The following PSORS1C1 variants were observed in gnomAD, a reference collection of about 807,000 sequenced individuals.
PSORS1C1 encodes psoriasis susceptibility 1 candidate gene 1 protein.
A neutral mutation model predicts 9.4 loss-of-function variants in PSORS1C1; 7 were observed. That is an observed-to-expected ratio of 0.75 (90% confidence interval 0.42 to 1.40). The LOEUF (loss-of-function observed/expected upper bound fraction) is 1.40, where lower values mean the gene tolerates loss of function less well. Among genes scored for constraint, PSORS1C1 ranks in the 40% most tolerant of loss-of-function variants. PSORS1C1 has a pLI of 0.01. For synonymous variants in PSORS1C1, 63 were observed against 69.4 expected, an observed-to-expected ratio of 0.91 and a Z score of 0.46; for missense variants, 146 against 178.1, an observed-to-expected ratio of 0.82 and a Z score of 1.02.
In PSORS1C1 at chr6:31,115,210, A is replaced by G. The variant is rs3094220; in HGVS notation, c.-229+319A>G. 0.2 allele frequency: 56,050 copies of G among 287,252 alleles called. 6,081 individuals carry two copies. Among genetic ancestry groups the G allele is most frequent in the African/African-American group, 0.21 (9,607 of 45,056 alleles). The allele number at this position is 287,252 out of a possible 1,614,324, so 17.8% of individuals were successfully genotyped here. A position where few individuals can be genotyped will look rare whatever the true frequency, so the allele number is the denominator to read the frequency against. ...CACAGAGACCTCTAGAGGCGTAGGA[A>G]GAGCACCACCCAGACTCTCAGAGGA... is the stretch of plus-strand genomic sequence containing the variant. On this transcript the variant is annotated intron_variant, in intron 1 of 5. Coordinates refer to ENST00000259881, the MANE Select transcript of PSORS1C1 (RefSeq NM_014068.3). This position sits in a 1 kb window ranked among gnomAD's most constrained non-coding sequence, Gnocchi z 4.2.
intron 3 of PSORS1C1, among the ~76,000 whole-genome samples, chr6:31,131,597 CAAAAAA>C (rs9281219): frequency 6.4e-5 from 5 of 78,392 alleles, no homozygotes; most frequent in Admixed American, 6.3e-4. Flanking sequence ...GACTCCGTCT[CAAAAAA>C]AAAAAAAAAA....
chr6:31,127,420 C>G (rs1307188801), intron 2 of PSORS1C1, among the ~76,000 whole-genome samples: 1 of 152,152 alleles, frequency 6.6e-6, no homozygotes, highest in African/African-American at 2.4e-5. Flanking sequence ...GTGTCCCGCT[C>G]TGTTCTCTTG....
chr6:31,118,840 C>CTTTT (rs199861968), intron 1 of PSORS1C1: 7 of 124,922 alleles, frequency 5.6e-5, no homozygotes, highest in Admixed American at 9.0e-5. Flanking sequence ...TTTTCTTCTT[C>CTTTT]TTCTTTTTTT....
chr6:31,118,734 G>A (rs1436824952), intron 1 of PSORS1C1: 1 of 151,660 alleles, frequency 6.6e-6, no homozygotes, highest in Non-Finnish European at 1.5e-5. Flanking sequence ...GAACCTCTCT[G>A]AGCTTTAGTT....
intron 3 of PSORS1C1, among the ~76,000 whole-genome samples, chr6:31,132,343 G>A (rs1446833254): frequency 6.6e-6 from 1 of 151,620 alleles, no homozygotes; most frequent in Non-Finnish European, 1.5e-5. Context: ...CCAACATGGT[G>A]AAACCCTGTT....
At chr6:31,137,968 G>A (rs780139482) in intron 3 of PSORS1C1, 2 of 1,496,760 alleles carry the variant, frequency 1.3e-6, no homozygotes, top group Admixed American at 2.4e-5. Context: ...TACTCTTCCC[G>A]GGGTGGGTCT....
chr6:31,119,376 A>G (rs1230705063), intron 1 of PSORS1C1, among the ~76,000 whole-genome samples: 1 of 151,968 alleles, frequency 6.6e-6, no homozygotes, highest in African/African-American at 2.4e-5. Context: ...TCAGACACCA[A>G]CCACCCACTA....
chr6:31,120,584 C>G (rs1351099206), intron 1 of PSORS1C1: 15 of 672,308 alleles, frequency 2.2e-5, no homozygotes, highest in Non-Finnish European at 4.0e-5. Context: ...GCGTGGTAAT[C>G]AGCCCGGTGC....
chr6:31,130,417 GTT>G (rs9278987), intron 3 of PSORS1C1, among the ~76,000 whole-genome samples: 32,666 of 146,822 alleles, frequency 0.22, 4,059 homozygotes, highest in African/African-American at 0.35. Context: ...CTAATTGTTT[GTT>G]TTTTTTTTTT....
chr6:31,131,983 C>T (rs1013161259), intron 3 of PSORS1C1, among the ~76,000 whole-genome samples: 3 of 152,206 alleles, frequency 2.0e-5, no homozygotes, highest in Admixed American at 6.5e-5. Flanking sequence ...GGGTGGCTCA[C>T]GCCTATAATC....
chr6:31,115,978 T>C lies in PSORS1C1; in HGVS notation c.-229+1087T>C, dbSNP rs377342864. 8 of 1,521,570 alleles carry C rather than the reference T, an allele frequency of 5.3e-6. No individual in the cohort carries two copies. The African/African-American group carries it at 1.1e-4, about 21-fold the overall frequency. The allele number at this position is 1,521,570 out of a possible 1,614,324, so 94.3% of individuals were successfully genotyped here. A position where few individuals can be genotyped will look rare whatever the true frequency, so the allele number is the denominator to read the frequency against. On this transcript the variant is annotated intron_variant, in intron 1 of 5. Transcript: ENST00000259881. This position sits in a 1 kb window ranked among gnomAD's most constrained non-coding sequence, Gnocchi z 4.2. Reference sequence around the variant, plus strand: ...CTTCTCCCATATGGGATATAGTGTATGTGCTTGTTTGTGCCCAAGGCATGC... The same window carrying C: ...CTTCTCCCATATGGGATATAGTGTACGTGCTTGTTTGTGCCCAAGGCATGC...
intron 1 of PSORS1C1, chr6:31,120,563 G>A (rs1438011068): frequency 5.5e-6 from 4 of 729,412 alleles, no homozygotes; most frequent in Admixed American, 4.1e-5. Context: ...AAGTTGGTGT[G>A]GCCGGGAGGA....
Position 31,139,961 on chromosome 6 carries a change from C to T in PSORS1C1, c.*29C>T, listed in dbSNP as rs755121578. ...TCCCAGAGAGACCCCTAGAACGTTT[C>T]CCTCAAGGACCTTTCTGCCTGGAAG... On this transcript the variant is annotated 3_prime_UTR_variant, in exon 6 of 6. Transcript: ENST00000259881. The surrounding 1 kb of genome is among the most constrained non-coding windows in gnomAD (Gnocchi z 5.2). 1.5e-5 allele frequency: 23 copies of T among 1,577,642 alleles called. No homozygotes were observed. The highest frequency in any genetic ancestry group is 1.6e-5 in the Non-Finnish European group (19 of 1,152,862).
At chr6:31,138,583 TG>T (rs1773281817) in intron 4 of PSORS1C1, 72 bp from the exon 5 acceptor site, 1 of 1,609,164 alleles carries the variant, frequency 6.2e-7, no homozygotes. Flanking sequence ...CATCCACCCC[TG>T]GTTGGGGTAC....
At chr6:31,121,168 G>A (rs968258084) in intron 1 of PSORS1C1, among the ~76,000 whole-genome samples, 10 of 125,910 alleles carry the variant, frequency 7.9e-5, no homozygotes, top group African/African-American at 3.5e-4. Context: ...GCATGGTGGC[G>A]GGGGTGGGGG....
intron 3 of PSORS1C1, among the ~76,000 whole-genome samples, chr6:31,133,848 G>A (rs1054455992): frequency 6.6e-6 from 1 of 152,228 alleles, no homozygotes; most frequent in Non-Finnish European, 1.5e-5. Flanking sequence ...ATGAATGAAT[G>A]AATGGGTGAA....
intron 3 of PSORS1C1, among the ~76,000 whole-genome samples, chr6:31,131,358 C>G (rs1772903852): frequency 6.6e-6 from 1 of 151,834 alleles, no homozygotes; most frequent in Non-Finnish European, 1.5e-5. Context: ...CTTTGGGAAG[C>G]CAAGGCTGGT....
Position 31,138,753 on chromosome 6 carries a change from C to G in PSORS1C1, c.141C>G (p.Cys47Trp), listed in dbSNP as rs1208277244. 1.2e-6 allele frequency: 2 copies of G among 1,614,140 alleles called. No individual in the cohort carries two copies. The highest frequency in any genetic ancestry group is 2.2e-5 in the South Asian group (2 of 91,086). Residue 47 changes from cysteine to tryptophan, a missense_variant, in exon 5 of 6, where the codon TGC (cysteine) becomes TGG (tryptophan). Transcript: ENST00000259881. ...CCCACGTTAATCCTGACCGACTTTG[C>G]CACATGGAGCCAGCAAACCATTTCT... ...RPPHVNPDRL[C>W]HMEPANHFWH...
At chr6:31,130,451 G>A (rs966091950) in intron 3 of PSORS1C1, among the ~76,000 whole-genome samples, 2 of 149,840 alleles carry the variant, frequency 1.3e-5, no homozygotes, top group Non-Finnish European at 3.0e-5. Flanking sequence ...TCACTCTGTC[G>A]TCCAGGCTGG....
Sources: allele counts gnomAD v4.1 joint callset (sites outside exome capture counted in the v4.1 genomes callset), GRCh38; gene constraint gnomAD v4.1.1; non-coding constraint Gnocchi (gnomAD v3.1); transcripts MANE v1.5; gene names NCBI Gene and HGNC (gene_info 2026-07-23, HGNC 2026-07-21).